The following AMBRA1 variants were observed in gnomAD, a reference collection of about 807,000 sequenced individuals.
AMBRA1 encodes the protein autophagy and beclin 1 regulator 1.
In AMBRA1, 47 loss-of-function variants were observed where a neutral mutation model predicts 125.4. The ratio of observed to expected loss-of-function variants is 0.37; its 90% CI spans 0.30 to 0.48. AMBRA1 has a LOEUF of 0.48. Ranked by LOEUF, AMBRA1 falls within the 20% of genes least tolerant of loss-of-function variation. The probability of loss-of-function intolerance (pLI) is 0.99; values close to 1 mark genes in which losing one functional copy is unlikely to be tolerated. For missense variants in AMBRA1, 1,331 were observed against 1,693.4 expected (o/e 0.79, Z 3.76); for synonymous variants, 626 against 655.5 (o/e 0.95, Z 0.69).
intron 7 of AMBRA1, among the ~76,000 whole-genome samples, chr11:46,530,383 C>T (rs1952162564): frequency 6.6e-6 from 1 of 152,170 alleles, no homozygotes; most frequent in Admixed American, 6.5e-5. Flanking sequence ...AGAAGGGCTG[C>T]CTGCCAAGCA....
chr11:46,407,911 G>A (rs1237951318), intron 17 of AMBRA1, among the ~76,000 whole-genome samples: 2 of 152,186 alleles, frequency 1.3e-5, no homozygotes, highest in East Asian at 1.9e-4. Context: ...AGCTGCTGAC[G>A]GACTCCTAAG....
chr11:46,502,064 C>G (rs1342542452), intron 9 of AMBRA1, among the ~76,000 whole-genome samples: 1 of 152,020 alleles, frequency 6.6e-6, no homozygotes, highest in African/African-American at 2.4e-5. Context: ...TTGTCTCTCT[C>G]CAGGTCATTT....
chr11:46,403,778 T>A (rs1203790327), intron 17 of AMBRA1, among the ~76,000 whole-genome samples: 3 of 152,086 alleles, frequency 2.0e-5, no homozygotes, highest in African/African-American at 7.2e-5. Context: ...CACATTTTTA[T>A]AGAACAAGAA....
intron 11 of AMBRA1, among the ~76,000 whole-genome samples, chr11:46,473,022 A>T (rs1263534442): frequency 1.3e-5 from 2 of 152,248 alleles, no homozygotes; most frequent in Non-Finnish European, 2.9e-5. Context: ...TATTTTACAC[A>T]CTGATCAAAA....
At chr11:46,477,939 A>C (rs923363481) in intron 11 of AMBRA1, among the ~76,000 whole-genome samples, 2 of 151,916 alleles carry the variant, frequency 1.3e-5, no homozygotes, top group Admixed American at 1.3e-4. Context: ...AGCCAGAGCT[A>C]ATTTTTGTAT....
At chr11:46,494,752 A>C (rs1158379487) in intron 9 of AMBRA1, 1 of 153,128 alleles carries the variant, frequency 6.5e-6, no homozygotes, top group Non-Finnish European at 1.5e-5. Flanking sequence ...AAAAGACAGT[A>C]CCTTCTTTTA....
At chr11:46,428,465 C>T (rs527894629) in intron 14 of AMBRA1, among the ~76,000 whole-genome samples, 285 of 152,308 alleles carry the variant, frequency 1.9e-3, no homozygotes, top group African/African-American at 6.7e-3. Flanking sequence ...CCTTAGTCAT[C>T]CCTTCTGCCA....
At chr11:46,436,073 CT>C (rs1158282855) in intron 12 of AMBRA1, among the ~76,000 whole-genome samples, 5 of 152,200 alleles carry the variant, frequency 3.3e-5, no homozygotes, top group Non-Finnish European at 7.4e-5. Context: ...AGCAAAAAAA[CT>C]TTTCACTGTT....
chr11:46,489,540 C>T (rs560072815), intron 11 of AMBRA1, among the ~76,000 whole-genome samples: 2 of 152,298 alleles, frequency 1.3e-5, no homozygotes, highest in South Asian at 4.1e-4. Context: ...GACACTGGAC[C>T]AGGCCGTAAT....
At chr11:46,453,261 C>CT (rs1206042700) in intron 11 of AMBRA1, among the ~76,000 whole-genome samples, 171 of 146,754 alleles carry the variant, frequency 1.2e-3, no homozygotes, top group Middle Eastern at 3.5e-3. Flanking sequence ...CAGTACTTCA[C>CT]TTTTTTTTTT....
At chr11:46,554,726 TG>T (rs2043113445) in intron 1 of AMBRA1, among the ~76,000 whole-genome samples, 1 of 152,182 alleles carries the variant, frequency 6.6e-6, no homozygotes, top group Admixed American at 6.6e-5. Context: ...GGGCTGCTGA[TG>T]AGGAGAAAAT....
At chr11:46,465,696 G>A (rs955421480) in intron 11 of AMBRA1, among the ~76,000 whole-genome samples, 1 of 152,122 alleles carries the variant, frequency 6.6e-6, no homozygotes, top group African/African-American at 2.4e-5. Context: ...TGCAGTGTAA[G>A]GGATCATCAG....
chr11:46,500,125 C>T (rs911545551), intron 9 of AMBRA1, among the ~76,000 whole-genome samples: 4 of 152,164 alleles, frequency 2.6e-5, no homozygotes, highest in African/African-American at 9.7e-5. Flanking sequence ...AAGACTAGAA[C>T]CCAGGACTAT....
At chr11:46,452,376 C>A (rs1363283890) in intron 11 of AMBRA1, among the ~76,000 whole-genome samples, 1 of 151,884 alleles carries the variant, frequency 6.6e-6, no homozygotes, top group Admixed American at 6.6e-5. Flanking sequence ...TTAGATGGGG[C>A]CTCACTATGT....
At chr11:46,398,396 C>T (rs1945558193) in intron 17 of AMBRA1, among the ~76,000 whole-genome samples, 1 of 152,352 alleles carries the variant, frequency 6.6e-6, no homozygotes, top group South Asian at 2.1e-4. Flanking sequence ...CAAAGGGAAA[C>T]AGTCTGCTCT....
At chr11:46,419,570 T>C (rs764342544) in intron 14 of AMBRA1, among the ~76,000 whole-genome samples, 53 of 152,334 alleles carry the variant, frequency 3.5e-4, no homozygotes, top group Admixed American at 6.5e-4. Flanking sequence ...TCAGGGCCTA[T>C]GAAAACGACA....
intron 11 of AMBRA1, chr11:46,491,331 G>A (rs1950452796): frequency 6.6e-6 from 1 of 152,150 alleles, no homozygotes; most frequent in African/African-American, 2.4e-5. Context: ...GCATTACTCT[G>A]GGCAAGTTAG....
At chr11:46,582,961 T>C (rs2044229246) in intron 1 of AMBRA1, among the ~76,000 whole-genome samples, 1 of 149,576 alleles carries the variant, frequency 6.7e-6, no homozygotes, top group African/African-American at 2.4e-5. Context: ...TAGTACATAA[T>C]ACACAGCATT....
At chr11:46,471,392 C>T (rs949386989) in intron 11 of AMBRA1, among the ~76,000 whole-genome samples, 1 of 151,962 alleles carries the variant, frequency 6.6e-6, no homozygotes, top group Non-Finnish European at 1.5e-5. Flanking sequence ...CCCTAGCTAA[C>T]ACGGTGAAAC....
Sources: gnomAD v4.1 joint callset for allele counts (sites outside exome capture counted in the v4.1 genomes callset) on GRCh38, gnomAD v4.1.1 for gene constraint, MANE v1.5 for transcripts, NCBI Gene and HGNC (gene_info 2026-07-23, HGNC 2026-07-21) for gene names.